The following PAPPA2 variants were observed in gnomAD, a reference collection of about 807,000 sequenced individuals.
PAPPA2 encodes pappalysin-2.
In PAPPA2, 86 loss-of-function variants were observed where a neutral mutation model predicts 176.4. The observed-to-expected ratio is 0.49, with a 90% CI of 0.41 to 0.58. The LOEUF (loss-of-function observed/expected upper bound fraction) is 0.58, where lower values mean the gene tolerates loss of function less well. Ranked by LOEUF, PAPPA2 falls within the 20% of genes least tolerant of loss-of-function variation. The pLI, the probability that PAPPA2 is intolerant of heterozygous loss-of-function variation, is 0.00. For synonymous variants in PAPPA2, 809 were observed against 852.2 expected, an observed-to-expected ratio of 0.95 and a Z score of 0.88; for missense variants, 2,073 against 2,256.9, an observed-to-expected ratio of 0.92 and a Z score of 1.65.
intron 12 of PAPPA2, among the ~76,000 whole-genome samples, chr1:176,726,252 C>A (rs1033895908): frequency 2.0e-5 from 3 of 152,198 alleles, no homozygotes; most frequent in Admixed American, 2.0e-4. Context: ...AACTCTTCTC[C>A]TGAGCCCCAG....
At position 176,844,820 on chromosome 1, in the gene PAPPA2, C is replaced by CTGT. The variant is rs1667607473; in HGVS notation, c.*2367_*2369dup. The CTGT allele has an allele frequency of 6.6e-6, 1 of 152,156 alleles. No homozygotes were observed. The highest frequency in any genetic ancestry group is 1.5e-5 in the Non-Finnish European group (1 of 68,020). The allele number at this position is 152,156 out of a possible 1,614,324, so 9.4% of individuals were successfully genotyped here. Reference sequence around the variant, plus strand: ...ATTACTCAGCTCAGGAACATGGAGCCTGTGGTTCATGCCAGTGTGTGTCTT... The same window carrying CTGT: ...ATTACTCAGCTCAGGAACATGGAGCCTGTTGTGGTTCATGCCAGTGTGTGTCTT... On this transcript the variant is annotated 3_prime_UTR_variant, in exon 23 of 23. Coordinates refer to ENST00000367662, the MANE Select transcript of PAPPA2 (RefSeq NM_020318.3).
intron 1 of PAPPA2, among the ~76,000 whole-genome samples, chr1:176,502,444 T>A (rs569322580): frequency 1.3e-5 from 2 of 152,338 alleles, no homozygotes; most frequent in African/African-American, 4.8e-5. Context: ...ATATGATCAA[T>A]TTTTAATCAG....
chr1:176,517,408 C>T (rs1354905979), intron 1 of PAPPA2, among the ~76,000 whole-genome samples: 2 of 152,196 alleles, frequency 1.3e-5, no homozygotes, highest in South Asian at 4.1e-4. Flanking sequence ...ATTACCTCAG[C>T]AACGTCAATG....
chr1:176,493,156 A>G (rs1194727791), intron 1 of PAPPA2, among the ~76,000 whole-genome samples: 1 of 152,132 alleles, frequency 6.6e-6, no homozygotes, highest in Non-Finnish European at 1.5e-5. Context: ...GATATGGTGG[A>G]GTGTGGAATC....
chr1:176,584,292 A>G (rs914292190), intron 2 of PAPPA2, among the ~76,000 whole-genome samples: 3 of 152,040 alleles, frequency 2.0e-5, no homozygotes, highest in Non-Finnish European at 2.9e-5. Context: ...AGATCTGATA[A>G]TATTTGCTTT....
intron 21 of PAPPA2, among the ~76,000 whole-genome samples, chr1:176,820,264 C>T (rs1666604901): frequency 6.6e-6 from 1 of 152,116 alleles, no homozygotes; most frequent in South Asian, 2.1e-4. Flanking sequence ...CCTTTTCAGT[C>T]GTATACATTG....
intron 1 of PAPPA2, among the ~76,000 whole-genome samples, chr1:176,481,299 C>G (rs1303959498): frequency 6.8e-6 from 1 of 146,774 alleles, no homozygotes; most frequent in African/African-American, 2.5e-5. Context: ...CACACACACA[C>G]AGACAAAGCA....
chr1:176,816,758 TTAC>T (rs1462109167), intron 21 of PAPPA2, among the ~76,000 whole-genome samples: 2 of 152,152 alleles, frequency 1.3e-5, no homozygotes, highest in African/African-American at 4.8e-5. Context: ...CAGTGTGCTA[TTAC>T]TACTAACTAC....
intron 15 of PAPPA2, among the ~76,000 whole-genome samples, chr1:176,768,323 T>C (rs1032281933): frequency 9.9e-5 from 15 of 152,072 alleles, no homozygotes; most frequent in African/African-American, 3.4e-4. Context: ...CTACATGCTC[T>C]CCTCCCTGGC....
intron 1 of PAPPA2, among the ~76,000 whole-genome samples, chr1:176,467,803 T>C (rs1292117424): frequency 6.6e-6 from 1 of 152,224 alleles, no homozygotes; most frequent in Non-Finnish European, 1.5e-5. Context: ...GCTAGACACA[T>C]AATTGGTACT....
intron 1 of PAPPA2, among the ~76,000 whole-genome samples, chr1:176,529,477 C>A (rs1305729468): frequency 1.3e-5 from 2 of 152,002 alleles, no homozygotes; most frequent in Non-Finnish European, 2.9e-5. Context: ...GAGATCCACA[C>A]TTTGAAGTAC....
At chr1:176,640,306 A>G (rs1656994933) in intron 3 of PAPPA2, among the ~76,000 whole-genome samples, 1 of 150,536 alleles carries the variant, frequency 6.6e-6, no homozygotes, top group African/African-American at 2.4e-5. Context: ...CTCGTCATCT[A>G]GCATTAGGTA....
intron 21 of PAPPA2, among the ~76,000 whole-genome samples, chr1:176,835,406 A>G (rs1009201124): frequency 2.6e-5 from 4 of 152,214 alleles, no homozygotes; most frequent in African/African-American, 7.2e-5. Flanking sequence ...TTTCCTTTGG[A>G]TATATACCCA....
chr1:176,605,108 T>C lies in PAPPA2; in HGVS notation c.1991+9513T>C, dbSNP rs535526397. Among the ~76,000 whole-genome samples, 11 of 152,236 alleles carry C rather than the reference T, an allele frequency of 7.2e-5. No homozygotes were observed. The South Asian group carries it at 2.3e-3, about 32-fold the overall frequency. On this transcript the variant is annotated intron_variant, in intron 3 of 22. Coordinates refer to ENST00000367662, the MANE Select transcript of PAPPA2 (RefSeq NM_020318.3). ...TTGAGTACCTGAGTCCCCAGGAGGCTCTAAAAATCTGAAACATGGGGTAAA... is the reference window on the plus strand; with the variant it reads ...TTGAGTACCTGAGTCCCCAGGAGGCCCTAAAAATCTGAAACATGGGGTAAA...
At chr1:176,532,866 A>G (rs951868769) in intron 1 of PAPPA2, among the ~76,000 whole-genome samples, 17 of 151,906 alleles carry the variant, frequency 1.1e-4, no homozygotes, top group African/African-American at 4.1e-4. Context: ...TAATCACTCA[A>G]TTCCACACAC....
intron 20 of PAPPA2, among the ~76,000 whole-genome samples, chr1:176,797,404 G>C (rs2102945886): frequency 6.6e-6 from 1 of 152,260 alleles, no homozygotes; most frequent in South Asian, 2.1e-4. Flanking sequence ...AACACTCTGG[G>C]AGGGCAAGGT....
chr1:176,801,146 A>C (rs1052817317), intron 21 of PAPPA2, among the ~76,000 whole-genome samples: 1 of 151,948 alleles, frequency 6.6e-6, no homozygotes, highest in Non-Finnish European at 1.5e-5. Flanking sequence ...TCCCAACCTA[A>C]GAATAGCCAG....
chr1:176,708,085 T>A (rs1660964185), intron 10 of PAPPA2, among the ~76,000 whole-genome samples: 1 of 152,152 alleles, frequency 6.6e-6, no homozygotes. Flanking sequence ...AGCCACATAG[T>A]GGTCGCATAT....
chr1:176,610,496 G>A (rs918365892), intron 3 of PAPPA2, among the ~76,000 whole-genome samples: 9 of 152,204 alleles, frequency 5.9e-5, no homozygotes, highest in African/African-American at 1.9e-4. Flanking sequence ...AAATGAAAGT[G>A]TGATGTAGTC....
Sources: allele counts gnomAD v4.1 joint callset (sites outside exome capture counted in the v4.1 genomes callset), GRCh38; gene constraint gnomAD v4.1.1; transcripts MANE v1.5; gene names NCBI Gene and HGNC (gene_info 2026-07-23, HGNC 2026-07-21).